The following ARL8B variants were observed in gnomAD, a reference collection of about 807,000 sequenced individuals.
ARL8B encodes ARF like GTPase 8B, also known as ADP-ribosylation factor-like protein 8B.
A neutral mutation model predicts 30.6 loss-of-function variants in ARL8B; 9 were observed. The ratio of observed to expected loss-of-function variants is 0.29; its 90% confidence interval spans 0.18 to 0.51. ARL8B has a LOEUF of 0.51. ARL8B is among the 20% of genes least tolerant of loss of function. ARL8B has a pLI of 0.97. For synonymous variants in ARL8B, 74 were observed against 76.0 expected, an observed-to-expected ratio of 0.97 and a Z score of 0.14; for missense variants, 130 against 227.2, an observed-to-expected ratio of 0.57 and a Z score of 2.75.
intron 1 of ARL8B, among the ~76,000 whole-genome samples, chr3:5,130,383 A>G (rs1027136955): frequency 6.6e-6 from 1 of 151,972 alleles, no homozygotes; most frequent in African/African-American, 2.4e-5. Context: ...ATATAAATAC[A>G]GCTCATCCCC....
At chr3:5,156,436 A>G (rs901002362) in intron 1 of ARL8B, among the ~76,000 whole-genome samples, 10 of 143,578 alleles carry the variant, frequency 7.0e-5, no homozygotes, top group African/African-American at 2.6e-4. Context: ...TTGTTTTTTG[A>G]GACGGAGTCT....
At chr3:5,166,919 C>A (rs565168019) in intron 1 of ARL8B, among the ~76,000 whole-genome samples, 11 of 152,142 alleles carry the variant, frequency 7.2e-5, no homozygotes, top group Non-Finnish European at 1.3e-4. Context: ...CATCTCCTTG[C>A]TTACCTGTAT....
At chr3:5,156,819 C>T (rs1311925514) in intron 1 of ARL8B, 1 of 152,400 alleles carries the variant, frequency 6.6e-6, no homozygotes. Context: ...GAAATCCTGA[C>T]CTCAAGTGAT....
intron 1 of ARL8B, among the ~76,000 whole-genome samples, chr3:5,158,923 ATGC>A (rs1477014269): frequency 6.6e-6 from 1 of 152,090 alleles, no homozygotes; most frequent in African/African-American, 2.4e-5. Flanking sequence ...TTTGTAGTAT[ATGC>A]TGAAGTCTTC....
chr3:5,174,140 C>A (rs1438846854), intron 5 of ARL8B, 56 bp downstream of exon 5: 11 of 1,478,274 alleles, frequency 7.4e-6, no homozygotes, highest in Non-Finnish European at 9.4e-6. Context: ...ATATTTTGCC[C>A]ACTTGTTATG....
chr3:5,170,536 G>T lies in ARL8B; in HGVS notation c.157G>T (p.Val53Leu). ...ATTCAGTGAAGATATGATACCCACA[G>T]TGGGCTTCAACATGAGGAAGGTAAC... ...GQFSEDMIPT[V>L]GFNMRKVTKG... The change falls in exon 2 of 7, where the codon GTG (valine) becomes TTG (leucine). Residue 53 changes from valine (V) to leucine (L), a missense_variant. Coordinates refer to ENST00000256496, the MANE Select transcript of ARL8B (RefSeq NM_018184.3). 1 of 1,613,194 alleles carries T rather than the reference G, an allele frequency of 6.2e-7. No homozygotes were observed. The highest frequency in any genetic ancestry group is 8.5e-7 in the Non-Finnish European group (1 of 1,179,574).
intron 1 of ARL8B, among the ~76,000 whole-genome samples, chr3:5,123,796 C>A (rs1286214608): frequency 6.6e-6 from 1 of 152,180 alleles, no homozygotes; most frequent in Non-Finnish European, 1.5e-5. Context: ...TTAGCAGAAA[C>A]CCCAAAGTCC....
chr3:5,129,538 A>G (rs189173919), intron 1 of ARL8B, among the ~76,000 whole-genome samples: 23 of 152,198 alleles, frequency 1.5e-4, no homozygotes, highest in African/African-American at 5.5e-4. Flanking sequence ...ACTGATAACT[A>G]TAGAGAACAT....
At chr3:5,159,297 C>CAAAAA (rs56033027) in intron 1 of ARL8B, among the ~76,000 whole-genome samples, 1 of 53,012 alleles carries the variant, frequency 1.9e-5, no homozygotes, top group African/African-American at 7.8e-5. Context: ...GACTCTGTCT[C>CAAAAA]AAAAAAAAAA....
At position 5,177,543 on chromosome 3, in the gene ARL8B, G is replaced by A. The variant is rs147199674; in HGVS notation, c.512-1121G>A. ...GCAATTTTGGCTCACTGCAACCTCC[G>A]CCTCCTGGGTTCAAGTGATCTCCTG... On this transcript the variant is annotated intron_variant, in intron 6 of 6. Transcript: ENST00000256496. Among the ~76,000 whole-genome samples the A allele has an allele frequency of 1.1e-3, 164 of 149,852 alleles. 3 individuals are homozygous for A. The East Asian group carries it at 0.028, about 26-fold the overall frequency.
rs4376027 is a variant in ARL8B at position 5,167,086 on chromosome 3, A to C, written c.124-3417A>C. Among the ~76,000 whole-genome samples, 698 of 152,326 alleles carry C rather than the reference A, an allele frequency of 4.6e-3. 4 individuals are homozygous for C. The highest frequency in any genetic ancestry group is 6.6e-3 in the Non-Finnish European group (452 of 68,026). On this transcript the variant is annotated intron_variant, in intron 1 of 6. Transcript: ENST00000256496. The stretch of plus-strand genomic sequence containing the variant: ...TTAGTAAGTAGCATAATTGTTAATA[A>C]GATTCCCTGACTTTGAGAATAATCT...
rs1309640353 is a variant in ARL8B, at chr3:5,122,373, G to A, written c.-93G>A. On this transcript the variant is annotated 5_prime_UTR_variant, in exon 1 of 7. Transcript: ENST00000256496. ...TGTCGCGCCGGGGCACCAAGGAGCC[G>A]TTGGAGGGTCCGGGCGGAGGCCCGC... The A allele has an allele frequency of 6.3e-7, 1 of 1,582,498 alleles. No individual in the cohort carries two copies. Among genetic ancestry groups the A allele is most frequent in the Non-Finnish European group, 8.6e-7 (1 of 1,166,136 alleles).
chr3:5,138,895 C>A (rs2054349472), intron 1 of ARL8B, among the ~76,000 whole-genome samples: 1 of 152,114 alleles, frequency 6.6e-6, no homozygotes, highest in Non-Finnish European at 1.5e-5. Context: ...TTCAGTAATA[C>A]CCAGAGAGAG....
At chr3:5,123,522 G>C (rs1463306841) in intron 1 of ARL8B, among the ~76,000 whole-genome samples, 5 of 152,200 alleles carry the variant, frequency 3.3e-5, no homozygotes, top group Admixed American at 3.3e-4. Context: ...TTTATTTAGA[G>C]CCCAAGAGTT....
At chr3:5,138,215 A>G (rs1242070929) in intron 1 of ARL8B, among the ~76,000 whole-genome samples, 1 of 149,508 alleles carries the variant, frequency 6.7e-6, no homozygotes, top group Non-Finnish European at 1.5e-5. Context: ...TCACCAGAGT[A>G]GAAGACTAGC....
chr3:5,143,601 C>A (rs995471351), intron 1 of ARL8B, among the ~76,000 whole-genome samples: 1 of 152,158 alleles, frequency 6.6e-6, no homozygotes, highest in Non-Finnish European at 1.5e-5. Context: ...GTGAGTCCAC[C>A]CCTGTTCAGC....
intron 1 of ARL8B, among the ~76,000 whole-genome samples, chr3:5,138,551 T>G (rs2054346516): frequency 6.6e-6 from 1 of 152,210 alleles, no homozygotes; most frequent in Non-Finnish European, 1.5e-5. Flanking sequence ...TTTTAAATAG[T>G]ATAAGCCAAT....
At chr3:5,126,268 C>G (rs762605359) in intron 1 of ARL8B, among the ~76,000 whole-genome samples, 69 of 151,866 alleles carry the variant, frequency 4.5e-4, no homozygotes, top group Non-Finnish European at 4.6e-4. Flanking sequence ...GTAAGTTTAG[C>G]CTTTTAAAAA....
chr3:5,173,882 C>T, intron 4 of ARL8B, 135 bp from the exon 5 acceptor site: 1 of 732,816 alleles, frequency 1.4e-6, no homozygotes, highest in Non-Finnish European at 2.4e-6. Flanking sequence ...AGACAAGCCA[C>T]CAGTTACACA....
Sources: gnomAD v4.1 joint callset for allele counts (sites outside exome capture counted in the v4.1 genomes callset) on GRCh38, gnomAD v4.1.1 for gene constraint, MANE v1.5 for transcripts, NCBI Gene and HGNC (gene_info 2026-07-23, HGNC 2026-07-21) for gene names.